PTPRN2: variants seen among roughly 807,000 people sequenced by gnomAD.
PTPRN2 encodes the protein receptor-type tyrosine-protein phosphatase N2.
A neutral mutation model predicts 118.8 loss-of-function variants in PTPRN2; 74 were observed. The observed-to-expected ratio is 0.62, with a 90% CI of 0.52 to 0.76. The LOEUF (loss-of-function observed/expected upper bound fraction) is 0.76, where lower values mean the gene tolerates loss of function less well. Ranked by LOEUF, PTPRN2 falls within the 30% of genes least tolerant of loss-of-function variation. The pLI is 0.00. For synonymous variants in PTPRN2, 641 were observed against 608.0 expected, an observed-to-expected ratio of 1.05 and a Z score of -0.80; for missense variants, 1,481 against 1,394.4, an observed-to-expected ratio of 1.06 and a Z score of -0.99.
intron 12 of PTPRN2, among the ~76,000 whole-genome samples, chr7:157,840,048 AGTGT>A (rs1170882932): frequency 7.6e-6 from 1 of 131,664 alleles, no homozygotes; most frequent in African/African-American, 3.0e-5. Flanking sequence ...GACCACATGG[AGTGT>A]GTGTGACTGT....
intron 12 of PTPRN2, among the ~76,000 whole-genome samples, chr7:157,810,346 A>G (rs1337141496): frequency 6.6e-6 from 1 of 152,170 alleles, no homozygotes; most frequent in Non-Finnish European, 1.5e-5. Flanking sequence ...CTGCAACTTG[A>G]CGAGGCTATG....
At chr7:158,307,023 T>C (rs1331689315) in intron 3 of PTPRN2, among the ~76,000 whole-genome samples, 7 of 152,058 alleles carry the variant, frequency 4.6e-5, no homozygotes, top group African/African-American at 1.5e-4. Flanking sequence ...TGCACCACCA[T>C]GCCCAGCTAA....
At chr7:158,503,307 C>A in intron 1 of PTPRN2, among the ~76,000 whole-genome samples, 1 of 152,264 alleles carries the variant, frequency 6.6e-6, no homozygotes, top group East Asian at 1.9e-4. Context: ...CAGTCTAAAC[C>A]TTTCTGGACT....
intron 3 of PTPRN2, among the ~76,000 whole-genome samples, chr7:158,285,812 C>A (rs577316446): frequency 6.6e-6 from 1 of 152,308 alleles, no homozygotes; most frequent in East Asian, 1.9e-4. Context: ...AGGTGACAAC[C>A]CCATTCGCCT....
At chr7:158,052,706 G>A (rs558881072) in intron 11 of PTPRN2, among the ~76,000 whole-genome samples, 70 of 151,482 alleles carry the variant, frequency 4.6e-4, no homozygotes, top group African/African-American at 1.5e-3. Flanking sequence ...CGTGGGGGCC[G>A]TGGAGGGGTG....
chr7:158,279,774 G>C (rs1255588553), intron 3 of PTPRN2, among the ~76,000 whole-genome samples: 1 of 152,204 alleles, frequency 6.6e-6, no homozygotes, highest in Non-Finnish European at 1.5e-5. Flanking sequence ...CCCCAGAGAG[G>C]GGCCCCCACA....
At chr7:157,668,097 G>A (rs2150772785) in intron 13 of PTPRN2, among the ~76,000 whole-genome samples, 1 of 152,390 alleles carries the variant, frequency 6.6e-6, no homozygotes, top group South Asian at 2.1e-4. Flanking sequence ...GTCCTCGCTC[G>A]CCGTAGAGCC....
intron 16 of PTPRN2, among the ~76,000 whole-genome samples, chr7:157,595,787 C>T (rs968147057): frequency 6.6e-6 from 1 of 152,198 alleles, no homozygotes; most frequent in Non-Finnish European, 1.5e-5. Context: ...TTGATTCAAA[C>T]GAGCACCCGG....
chr7:158,425,355 A>G (rs868047876), intron 2 of PTPRN2, among the ~76,000 whole-genome samples: 4 of 94,520 alleles, frequency 4.2e-5, no homozygotes, highest in African/African-American at 4.9e-5. Context: ...CACCGCCGGG[A>G]AAGACGCGGT....
chr7:157,659,214 C>A (rs962048796), intron 13 of PTPRN2, among the ~76,000 whole-genome samples: 2 of 150,468 alleles, frequency 1.3e-5, no homozygotes, highest in Non-Finnish European at 3.0e-5. Flanking sequence ...AGGGGCCCTG[C>A]GGCCCCCACT....
chr7:158,427,970 A>T (rs367818250), intron 2 of PTPRN2, among the ~76,000 whole-genome samples: 10 of 83,976 alleles, frequency 1.2e-4, no homozygotes, highest in South Asian at 4.5e-4. Context: ...GGGGTCCGAG[A>T]CCAGCCTAGC....
At chr7:157,625,754 A>G (rs1803534024) in intron 14 of PTPRN2, among the ~76,000 whole-genome samples, 1 of 152,206 alleles carries the variant, frequency 6.6e-6, no homozygotes, top group African/African-American at 2.4e-5. Flanking sequence ...AGCTCAGAAA[A>G]AAAACCTTGA....
chr7:158,124,887 G>A (rs1440484250), intron 9 of PTPRN2, among the ~76,000 whole-genome samples: 1 of 152,250 alleles, frequency 6.6e-6, no homozygotes, highest in African/African-American at 2.4e-5. Flanking sequence ...GTCCTCTTTG[G>A]GTTCAACGTG....
intron 2 of PTPRN2, among the ~76,000 whole-genome samples, chr7:158,429,939 G>A (rs897024817): frequency 2.6e-5 from 4 of 151,970 alleles, no homozygotes; most frequent in African/African-American, 7.3e-5. Context: ...ATGGAGTCTC[G>A]CTCTGTCGTC....
chr7:157,890,051 T>C (rs769059319), intron 12 of PTPRN2, among the ~76,000 whole-genome samples: 4 of 152,084 alleles, frequency 2.6e-5, no homozygotes, highest in Non-Finnish European at 5.9e-5. Context: ...GTTACCTTGC[T>C]ATAGTTTTAT....
intron 2 of PTPRN2, among the ~76,000 whole-genome samples, chr7:158,436,597 G>C (rs1274686024): frequency 1.3e-5 from 2 of 151,698 alleles, no homozygotes; most frequent in African/African-American, 4.8e-5. Flanking sequence ...CTTTTCCTAA[G>C]AGTCATCTGT....
chr7:158,123,996 G>A (rs1044428139), intron 9 of PTPRN2, among the ~76,000 whole-genome samples: 10 of 152,140 alleles, frequency 6.6e-5, no homozygotes, highest in Admixed American at 6.5e-4. Context: ...ATCCCGTGCC[G>A]ACCCAGGCGG....
At chr7:158,394,952 G>C (rs1045906004) in intron 2 of PTPRN2, among the ~76,000 whole-genome samples, 4 of 152,338 alleles carry the variant, frequency 2.6e-5, no homozygotes, top group Admixed American at 2.0e-4. Context: ...GAGAAAGCCG[G>C]GGGCACCCCA....
In PTPRN2 at chr7:158,509,027, G is replaced by C. The variant is rs1415263097; in HGVS notation, c.113-19242C>G. Among the ~76,000 whole-genome samples the C allele has an allele frequency of 6.6e-6, 1 of 152,136 alleles. No homozygotes were observed. The highest frequency in any genetic ancestry group is 1.5e-5 in the Non-Finnish European group (1 of 68,034). On this transcript the variant is annotated intron_variant, in intron 1 of 22. Coordinates refer to ENST00000389418, the MANE Select transcript of PTPRN2 (RefSeq NM_002847.5). This position sits in a 1 kb window ranked among gnomAD's most constrained non-coding sequence, Gnocchi z 4.4. The stretch of plus-strand genomic sequence containing the variant: ...GGGGTCGGATTGCAAGATCTCTTCA[G>C]AGGTGGAAGCTGATGCGGGTGGAGG...
Sources: gnomAD v4.1 joint callset for allele counts (sites outside exome capture counted in the v4.1 genomes callset) on GRCh38, gnomAD v4.1.1 for gene constraint, Gnocchi (gnomAD v3.1) non-coding constraint, MANE v1.5 for transcripts, NCBI Gene and HGNC (gene_info 2026-07-23, HGNC 2026-07-21) for gene names.